Variants in IL1RAPL1 observed in about 807,000 individuals in gnomAD.
IL1RAPL1 encodes the protein interleukin-1 receptor accessory protein-like 1.
In IL1RAPL1, 3 loss-of-function variants were observed where a neutral mutation model predicts 48.4. That is an observed-to-expected ratio of 0.06 (90% CI 0.03 to 0.16). The LOEUF is 0.16. IL1RAPL1 is among the 10% of genes least tolerant of loss of function. IL1RAPL1 has a pLI of 1.00. For synonymous variants in IL1RAPL1, 185 were observed against 187.7 expected (o/e 0.99, Z 0.12); for missense variants, 349 against 530.6 (o/e 0.66, Z 3.36).
intron 7 of IL1RAPL1, among the ~76,000 whole-genome samples, chrX:29,918,816 T>G (rs898306315): frequency 1.3e-4 from 15 of 112,377 alleles, no homozygotes; most frequent in African/African-American, 4.8e-4. Context: ...TATAATTCAT[T>G]CAATGCTAGC....
intron 5 of IL1RAPL1, among the ~76,000 whole-genome samples, chrX:29,455,473 GTGTTAAT>G (rs1207495870): frequency 1.8e-5 from 2 of 111,771 alleles, no homozygotes; most frequent in Non-Finnish European, 3.8e-5. Flanking sequence ...GAGAAGTAGA[GTGTTAAT>G]TGTTAATTAT....
chrX:28,827,376 G>A (rs1937005114), intron 2 of IL1RAPL1, among the ~76,000 whole-genome samples: 1 of 111,084 alleles, frequency 9.0e-6, no homozygotes, highest in African/African-American at 3.3e-5. Flanking sequence ...AATAGACTAC[G>A]TTGAGTGTTT....
chrX:29,424,944 T>C (rs1393261752), intron 5 of IL1RAPL1, among the ~76,000 whole-genome samples: 1 of 112,082 alleles, frequency 8.9e-6, no homozygotes, highest in Non-Finnish European at 1.9e-5. Flanking sequence ...TTCACAGTCA[T>C]CTGATGATAC....
At chrX:28,811,354 A>G (rs1454734123) in intron 2 of IL1RAPL1, among the ~76,000 whole-genome samples, 1 of 111,163 alleles carries the variant, frequency 9.0e-6, no homozygotes, top group African/African-American at 3.2e-5. Context: ...AGTAATGTGC[A>G]CCTCTGACAA....
intron 5 of IL1RAPL1, among the ~76,000 whole-genome samples, chrX:29,468,401 A>G (rs191339305): frequency 7.8e-4 from 88 of 112,248 alleles, no homozygotes; most frequent in African/African-American, 2.2e-3. Flanking sequence ...TTACCCGAGT[A>G]TCTACATTAA....
intron 5 of IL1RAPL1, among the ~76,000 whole-genome samples, chrX:29,547,428 T>C (rs1921659444): frequency 9.0e-6 from 1 of 110,943 alleles, no homozygotes; most frequent in Non-Finnish European, 1.9e-5. Flanking sequence ...TGATAAGTGA[T>C]GTAAAAAGAG....
At chrX:29,247,327 A>G (rs936774170) in intron 2 of IL1RAPL1, among the ~76,000 whole-genome samples, 2 of 111,853 alleles carry the variant, frequency 1.8e-5, no homozygotes, top group African/African-American at 6.5e-5. Context: ...AAATTTTTAT[A>G]TAATCCTATT....
intron 6 of IL1RAPL1, among the ~76,000 whole-genome samples, chrX:29,912,851 C>T (rs1188649802): frequency 8.9e-6 from 1 of 111,867 alleles, no homozygotes; most frequent in African/African-American, 3.2e-5. Flanking sequence ...TTCATAACTA[C>T]TATTTATCCT....
intron 5 of IL1RAPL1, among the ~76,000 whole-genome samples, chrX:29,420,998 C>A (rs1484555954): frequency 9.0e-6 from 1 of 111,609 alleles, no homozygotes; most frequent in Non-Finnish European, 1.9e-5. Context: ...TATATAGGGT[C>A]AATTGAAGTG....
intron 5 of IL1RAPL1, among the ~76,000 whole-genome samples, chrX:29,469,703 A>G (rs983111640): frequency 9.0e-6 from 1 of 111,676 alleles, no homozygotes; most frequent in African/African-American, 3.3e-5. Flanking sequence ...TTATGGGGCT[A>G]CATATTTTCT....
chrX:29,282,478 T>G (rs1023937262), intron 2 of IL1RAPL1, among the ~76,000 whole-genome samples: 9 of 112,047 alleles, frequency 8.0e-5, no homozygotes, highest in African/African-American at 2.9e-4. Flanking sequence ...TGAAGAAGGC[T>G]TGCACGCTGT....
intron 2 of IL1RAPL1, among the ~76,000 whole-genome samples, chrX:28,982,100 G>C (rs1013220157): frequency 8.9e-6 from 1 of 111,977 alleles, no homozygotes; most frequent in Non-Finnish European, 1.9e-5. Flanking sequence ...GAACTGATCA[G>C]TGCCACAAAA....
chrX:28,954,358 C>A (rs1313451343), intron 2 of IL1RAPL1, among the ~76,000 whole-genome samples: 1 of 110,540 alleles, frequency 9.0e-6, no homozygotes, highest in Non-Finnish European at 1.9e-5. Context: ...TTTCAGTTAT[C>A]ATTTTAGCAC....
At chrX:29,400,515 T>A (rs1320759123) in intron 5 of IL1RAPL1, among the ~76,000 whole-genome samples, 1 of 112,161 alleles carries the variant, frequency 8.9e-6, no homozygotes, top group African/African-American at 3.2e-5. Flanking sequence ...TATTCTCATA[T>A]TCTTATTGAG....
intron 6 of IL1RAPL1, among the ~76,000 whole-genome samples, chrX:29,798,223 G>A (rs1029761096): frequency 1.8e-5 from 2 of 112,108 alleles, no homozygotes; most frequent in Non-Finnish European, 3.8e-5. Context: ...TGAGATCTCT[G>A]TATTATTTAA....
chrX:28,603,667 A>G (rs1469595041), intron 1 of IL1RAPL1, among the ~76,000 whole-genome samples: 1 of 112,089 alleles, frequency 8.9e-6, no homozygotes. Context: ...CAAAGGAAGG[A>G]AAGAAAGGAA....
chrX:29,710,606 GTA>G (rs907712361), intron 6 of IL1RAPL1, among the ~76,000 whole-genome samples: 272 of 101,866 alleles, frequency 2.7e-3, no homozygotes, highest in African/African-American at 8.4e-3. Context: ...ATGTGTGTGT[GTA>G]TATATATATA....
At chrX:29,689,930 T>G (rs1926730313) in intron 6 of IL1RAPL1, among the ~76,000 whole-genome samples, 1 of 111,938 alleles carries the variant, frequency 8.9e-6, no homozygotes, top group African/African-American at 3.2e-5. Context: ...GGTAGTCTCA[T>G]AATACATTGT....
intron 2 of IL1RAPL1, among the ~76,000 whole-genome samples, chrX:28,972,252 AATT>A: frequency 9.0e-6 from 1 of 111,550 alleles, no homozygotes; most frequent in Middle Eastern, 4.7e-3. Context: ...AAACAATAAT[AATT>A]ATTATTATCA....
Sources: allele counts gnomAD v4.1 joint callset (sites outside exome capture counted in the v4.1 genomes callset), GRCh38; gene constraint gnomAD v4.1.1; transcripts MANE v1.5; gene names NCBI Gene and HGNC (gene_info 2026-07-23, HGNC 2026-07-21).